Variants in PTK2 observed in about 807,000 individuals in gnomAD.
The protein encoded by PTK2 is protein tyrosine kinase 2.
In PTK2, 45 loss-of-function variants were observed where a neutral mutation model predicts 150.1. That is an observed-to-expected ratio of 0.30 (90% CI 0.24 to 0.38). The LOEUF (loss-of-function observed/expected upper bound fraction) is 0.38. Ranked by LOEUF, PTK2 falls within the 10% of genes least tolerant of loss-of-function variation. PTK2 has a pLI of 1.00. For missense variants in PTK2, 919 were observed against 1,307.3 expected, an observed-to-expected ratio of 0.70 and a Z score of 4.58; for synonymous variants, 432 against 449.2, an observed-to-expected ratio of 0.96 and a Z score of 0.48.
intron 1 of PTK2, among the ~76,000 whole-genome samples, chr8:140,990,888 A>C (rs559814052): frequency 7.9e-5 from 12 of 152,270 alleles, no homozygotes; most frequent in African/African-American, 2.9e-4. Flanking sequence ...AACATGCTGA[A>C]AACCCAGAGA....
chr8:140,810,009 C>A (rs1035177109), intron 10 of PTK2, among the ~76,000 whole-genome samples: 1 of 152,120 alleles, frequency 6.6e-6, no homozygotes, highest in African/African-American at 2.4e-5. Flanking sequence ...AGAAGCTGGG[C>A]TGAAGGGGGA....
At chr8:140,871,824 A>C (rs192632783) in intron 4 of PTK2, among the ~76,000 whole-genome samples, 84 of 152,238 alleles carry the variant, frequency 5.5e-4, no homozygotes, top group Middle Eastern at 3.4e-3. Flanking sequence ...GGCTACAGCG[A>C]GCTATGATCA....
chr8:140,701,494 T>C lies in PTK2; in HGVS notation c.2368-472A>G, dbSNP rs113148157. 4.9e-3 allele frequency among the ~76,000 whole-genome samples: 742 copies of C among 152,190 alleles called. 9 individuals are homozygous for C. Among genetic ancestry groups the C allele is most frequent in the African/African-American group, 0.016 (675 of 41,522 alleles). ...GTTGCCCAGGCTGGCCTCAAACTCCTAGGCTCAAGTTATCTACCCACCTCA... is the reference window on the plus strand; with the variant it reads ...GTTGCCCAGGCTGGCCTCAAACTCCCAGGCTCAAGTTATCTACCCACCTCA... On this transcript the variant is annotated intron_variant, in intron 25 of 31. Transcript: ENST00000522684.
chr8:140,810,257 A>G (rs1400631851), intron 10 of PTK2, among the ~76,000 whole-genome samples: 3 of 152,242 alleles, frequency 2.0e-5, no homozygotes, highest in Non-Finnish European at 4.4e-5. Context: ...GGTTTGGTGC[A>G]GGAGCGTCTG....
At chr8:140,706,067 A>C in intron 24 of PTK2, 52 bp downstream of exon 27, 1 of 1,435,952 alleles carries the variant, frequency 7.0e-7, no homozygotes, top group Non-Finnish European at 9.8e-7. Flanking sequence ...CTCTACCCCA[A>C]AAGCGCTAAA....
At chr8:140,702,222 C>CT (rs57156667) in intron 25 of PTK2, among the ~76,000 whole-genome samples, 53,936 of 123,710 alleles carry the variant, frequency 0.44, 13,027 homozygotes, top group Non-Finnish European at 0.54. Context: ...TATTTATTAC[C>CT]TTTTTTTTTT....
intron 3 of PTK2, among the ~76,000 whole-genome samples, chr8:140,880,038 A>C (rs1253337543): frequency 6.6e-6 from 1 of 152,192 alleles, no homozygotes; most frequent in African/African-American, 2.4e-5. Context: ...GAGGGGTTAT[A>C]CTTTCAAAAA....
chr8:140,928,112 T>A (rs2154608457), intron 1 of PTK2, among the ~76,000 whole-genome samples: 1 of 151,402 alleles, frequency 6.6e-6, no homozygotes, highest in South Asian at 2.1e-4. Context: ...ACATAGTAGT[T>A]GGCCTTTTTT....
intron 12 of PTK2, among the ~76,000 whole-genome samples, chr8:140,795,503 C>T (rs1359751520): frequency 6.6e-6 from 1 of 152,176 alleles, no homozygotes; most frequent in African/African-American, 2.4e-5. Flanking sequence ...TCCCTGACAA[C>T]CTTACTTAAA....
intron 7 of PTK2, among the ~76,000 whole-genome samples, chr8:140,832,172 A>T (rs2100115810): frequency 1.3e-5 from 2 of 152,158 alleles, no homozygotes; most frequent in Admixed American, 1.3e-4. Flanking sequence ...CTCGTGCCTC[A>T]GTATCCCAAG....
chr8:140,771,872 C>T (rs1029373431), intron 14 of PTK2, among the ~76,000 whole-genome samples: 2 of 151,668 alleles, frequency 1.3e-5, no homozygotes, highest in African/African-American at 2.4e-5. Context: ...CCTCTGCCTC[C>T]GGGTTCAAGC....
At chr8:140,744,078 A>G (rs1426878786) in intron 19 of PTK2, among the ~76,000 whole-genome samples, 3 of 60,942 alleles carry the variant, frequency 4.9e-5, no homozygotes, top group African/African-American at 3.8e-4. Context: ...CGCCCGGCCT[A>G]TTTCTTTTTT....
Position 140,744,064 on chromosome 8 carries a change from A to AGTGG in PTK2, c.1634+587_1634+588insCCAC, listed in dbSNP as rs58272700. ...AGTGCTGGGACTACAGCTATGAGCC[A>AGTGG]CCGCGCCCGGCCTATTTCTTTTTTT... is the stretch of plus-strand genomic sequence containing the variant. On this transcript the variant is annotated intron_variant, in intron 19 of 31. Transcript: ENST00000522684. Among the ~76,000 whole-genome samples, 8 of 25,992 alleles carry AGTGG rather than the reference A, an allele frequency of 3.1e-4. No individual in the cohort carries two copies. The African/African-American group carries it at 4.6e-3, about 15-fold the overall frequency. The allele number at this position is 25,992 out of a possible 152,430, so 17.1% of individuals were successfully genotyped here.
intron 3 of PTK2, among the ~76,000 whole-genome samples, chr8:140,883,658 C>G (rs1386912257): frequency 5.9e-5 from 9 of 152,152 alleles, no homozygotes; most frequent in Non-Finnish European, 4.4e-5. Flanking sequence ...TCCAGAAATT[C>G]AAATCCTGTT....
intron 23 of PTK2, among the ~76,000 whole-genome samples, chr8:140,715,234 G>A (rs1020713522): frequency 4.2e-5 from 5 of 119,948 alleles, no homozygotes; most frequent in African/African-American, 1.6e-4. Flanking sequence ...GTGCAGTGGC[G>A]TGATCTCGGC....
chr8:140,960,980 C>T (rs2100182977), intron 1 of PTK2, among the ~76,000 whole-genome samples: 1 of 151,988 alleles, frequency 6.6e-6, no homozygotes, highest in Admixed American at 6.5e-5. Flanking sequence ...AACTCTGTCT[C>T]AAAAATAAAA....
intron 27 of PTK2, among the ~76,000 whole-genome samples, chr8:140,685,573 G>A (rs2100019333): frequency 6.6e-6 from 1 of 152,140 alleles, no homozygotes; most frequent in Non-Finnish European, 1.5e-5. Context: ...TAAAAAGTGG[G>A]CAAAGGACAT....
chr8:140,937,632 A>G (rs777127819), intron 1 of PTK2, among the ~76,000 whole-genome samples: 2 of 152,108 alleles, frequency 1.3e-5, no homozygotes, highest in Non-Finnish European at 2.9e-5. Context: ...AATCTAACAA[A>G]AATTGGAAAG....
At position 140,937,833 on chromosome 8, in the gene PTK2, G is replaced by C. The variant is rs1048741737; in HGVS notation, c.-121-12084C>G. ...TAGTGGCAGTGGCTGCACGTCTGTA[G>C]TCCCAGCTACTTGGGAGGCTGAGGC... On this transcript the variant is annotated intron_variant, in intron 1 of 31. Transcript: ENST00000522684. 1.8e-4 allele frequency among the ~76,000 whole-genome samples: 28 copies of C among 152,222 alleles called. 1 individual carries two copies. Among genetic ancestry groups the C allele is most frequent in the Admixed American group, 1.5e-3 (23 of 15,286 alleles).
Sources: allele counts gnomAD v4.1 joint callset (sites outside exome capture counted in the v4.1 genomes callset), GRCh38; gene constraint gnomAD v4.1.1; transcripts MANE v1.5; gene names NCBI Gene and HGNC (gene_info 2026-07-23, HGNC 2026-07-21).